Variants in SRPK2 observed in about 807,000 individuals in gnomAD.
SRPK2 encodes SFRS protein kinase 2.
SRPK2 carries 21 observed loss-of-function variants against 90.8 expected under a neutral mutation model. That is an observed-to-expected ratio of 0.23 (90% CI 0.16 to 0.33). The LOEUF is 0.33. SRPK2 is among the 10% of genes least tolerant of loss of function. The pLI is 1.00. For synonymous variants in SRPK2, 288 were observed against 311.1 expected, an observed-to-expected ratio of 0.93 and a Z score of 0.78; for missense variants, 620 against 869.0, an observed-to-expected ratio of 0.71 and a Z score of 3.60.
intron 3 of SRPK2, among the ~76,000 whole-genome samples, chr7:105,170,235 G>C (rs1790634261): frequency 6.6e-6 from 1 of 152,106 alleles, no homozygotes; most frequent in African/African-American, 2.4e-5. Context: ...CAAGAAAACT[G>C]ACCAAAATAA....
chr7:105,312,783 TACAA>T (rs1353986288), intron 2 of SRPK2, among the ~76,000 whole-genome samples: 1 of 152,164 alleles, frequency 6.6e-6, no homozygotes, highest in Non-Finnish European at 1.5e-5. Flanking sequence ...ACCTGAAGTA[TACAA>T]ACAGTTGATA....
intron 2 of SRPK2, among the ~76,000 whole-genome samples, chr7:105,301,207 G>T (rs1810505576): frequency 6.6e-6 from 1 of 151,978 alleles, no homozygotes; most frequent in African/African-American, 2.4e-5. Flanking sequence ...ACTTTGGGAG[G>T]CCGAGGCAGG....
chr7:105,160,497 A>C lies in SRPK2; in HGVS notation c.621+10T>G. The C allele has an allele frequency of 2.5e-6, 4 of 1,588,770 alleles. No individual in the cohort carries two copies. Among genetic ancestry groups the C allele is most frequent in the Non-Finnish European group, 3.5e-6 (4 of 1,157,214 alleles). The stretch of plus-strand genomic sequence containing the variant: ...TACTAGGGCCTAGGGGCTGCCGTCA[A>C]AAGTCTCACCTGTCGAATGATACTC... On this transcript the variant is annotated intron_variant, in intron 7 of 15. Transcript: ENST00000393651.
chr7:105,201,413 G>A (rs1055345227), intron 3 of SRPK2, among the ~76,000 whole-genome samples: 1 of 152,106 alleles, frequency 6.6e-6, no homozygotes, highest in Non-Finnish European at 1.5e-5. Flanking sequence ...AACAGCCCCG[G>A]CTGTGGAATA....
chr7:105,176,621 G>GTGTATA (rs148629862), intron 3 of SRPK2, among the ~76,000 whole-genome samples: 11,933 of 147,524 alleles, frequency 0.081, 643 homozygotes, highest in Non-Finnish European at 0.11. Flanking sequence ...ATACGTGTGT[G>GTGTATA]TATATATATA....
At chr7:105,269,098 T>G (rs1246289518) in intron 2 of SRPK2, 1 of 1,165,464 alleles carries the variant, frequency 8.6e-7, no homozygotes, top group Admixed American at 3.5e-5. Flanking sequence ...GAAGTACCAT[T>G]TCTTTAAAGC....
chr7:105,184,904 T>G (rs571020627), intron 3 of SRPK2, among the ~76,000 whole-genome samples: 1 of 152,318 alleles, frequency 6.6e-6, no homozygotes, highest in East Asian at 1.9e-4. Flanking sequence ...TTTTTATATA[T>G]TATTTCTAAT....
intron 2 of SRPK2, among the ~76,000 whole-genome samples, chr7:105,296,813 T>G (rs935668384): frequency 2.0e-5 from 3 of 152,130 alleles, no homozygotes; most frequent in Non-Finnish European, 4.4e-5. Flanking sequence ...ACACAAACCC[T>G]CCATGGAGTA....
At chr7:105,296,710 G>A (rs1809862481) in intron 2 of SRPK2, among the ~76,000 whole-genome samples, 2 of 152,152 alleles carry the variant, frequency 1.3e-5, no homozygotes, top group Admixed American at 1.3e-4. Flanking sequence ...AGCCTATGAG[G>A]CTATTAACTG....
intron 2 of SRPK2, among the ~76,000 whole-genome samples, chr7:105,219,061 G>T (rs1011616275): frequency 1.3e-5 from 2 of 152,068 alleles, no homozygotes; most frequent in Admixed American, 6.5e-5. Flanking sequence ...GACCACAAGA[G>T]CTTCAGCACT....
At chr7:105,222,490 A>T (rs1798216768) in intron 2 of SRPK2, among the ~76,000 whole-genome samples, 1 of 152,250 alleles carries the variant, frequency 6.6e-6, no homozygotes, top group Non-Finnish European at 1.5e-5. Context: ...ATAGTCTAAC[A>T]ATTTAAGCAT....
intron 2 of SRPK2, among the ~76,000 whole-genome samples, chr7:105,233,611 T>A (rs1192417722): frequency 5.3e-5 from 8 of 152,168 alleles, no homozygotes; most frequent in African/African-American, 1.9e-4. Context: ...CCCAGCACTT[T>A]GGTAGGCCAA....
intron 2 of SRPK2, among the ~76,000 whole-genome samples, chr7:105,294,671 G>GT (rs1195619778): frequency 6.6e-6 from 1 of 151,904 alleles, no homozygotes; most frequent in Non-Finnish European, 1.5e-5. Context: ...GATTATAGAC[G>GT]CGCACCACCA....
chr7:105,265,697 C>T (rs1409216328), intron 2 of SRPK2, among the ~76,000 whole-genome samples: 1 of 151,744 alleles, frequency 6.6e-6, no homozygotes, highest in Non-Finnish European at 1.5e-5. Flanking sequence ...TGTCTAGCAC[C>T]GACTCTACTA....
intron 2 of SRPK2, among the ~76,000 whole-genome samples, chr7:105,219,489 T>C (rs1029677431): frequency 3.9e-5 from 6 of 152,226 alleles, no homozygotes; most frequent in East Asian, 1.9e-4. Flanking sequence ...AGAAGACTTA[T>C]GTTTTACTCA....
chr7:105,145,288 T>G lies in SRPK2; in HGVS notation c.808A>C (p.Lys270Gln), dbSNP rs149027278. ...TAATATGCGTAAGTACTTACAGGTT[T>G]CTGCTGTGGAGCCGTACTCACTAAA... is the stretch of plus-strand genomic sequence containing the variant. ...GSAVSTAPQQKPIGKISKNKK... is the reference protein window; with the variant it reads ...GSAVSTAPQQQPIGKISKNKK... Residue 270 changes from lysine to glutamine, a missense_variant, in exon 9 of 16, where the codon AAA (lysine) becomes CAA (glutamine). By Grantham distance (53) the Lys-to-Gln change is moderately conservative. Around this residue, in one of 8 missense-constraint regions of SRPK2, gnomAD observed 196 missense variants for 339.2 expected, o/e 0.58. Coordinates refer to ENST00000393651, the MANE Select transcript of SRPK2 (RefSeq NM_182692.3). The G allele has an allele frequency of 2.7e-4, 429 of 1,593,914 alleles. 1 individual carries two copies. Among genetic ancestry groups the G allele is most frequent in the Middle Eastern group, 1.0e-3 (6 of 5,944 alleles).
chr7:105,396,474 A>G (rs937641655), intron 1 of SRPK2, among the ~76,000 whole-genome samples: 8 of 151,736 alleles, frequency 5.3e-5, no homozygotes, highest in African/African-American at 1.5e-4. Flanking sequence ...CATATCTACT[A>G]TAAATACAAA....
At chr7:105,209,340 C>CA (rs1378671190) in intron 2 of SRPK2, among the ~76,000 whole-genome samples, 1 of 152,112 alleles carries the variant, frequency 6.6e-6, no homozygotes, top group African/African-American at 2.4e-5. Context: ...CAGTTGAGCC[C>CA]AGGAGTCTGA....
Position 105,292,653 on chromosome 7 carries a change from C to T in SRPK2, c.72-88868G>A, listed in dbSNP as rs147186481. ...CACCAATGGTGCCATATTGGGACAG[C>T]GCTTTTTGCTTGCTATTGTTTTTCT... On this transcript the variant is annotated intron_variant, in intron 2 of 15. Coordinates refer to ENST00000393651, the MANE Select transcript of SRPK2 (RefSeq NM_182692.3). 2.9e-3 allele frequency among the ~76,000 whole-genome samples: 443 copies of T among 152,232 alleles called. 5 individuals are homozygous for T. The highest frequency in any genetic ancestry group is 4.7e-3 in the Admixed American group (72 of 15,294).
Sources: gnomAD v4.1 joint callset for allele counts (sites outside exome capture counted in the v4.1 genomes callset) on GRCh38, gnomAD v4.1.1 for gene constraint, gnomAD v4.1.1 regional missense constraint, MANE v1.5 for transcripts, NCBI Gene and HGNC (gene_info 2026-07-23, HGNC 2026-07-21) for gene names.